ENTREP2: variants seen among roughly 807,000 people sequenced by gnomAD.
The protein encoded by ENTREP2 is endosomal transmembrane epsin interactor 2.
the ENTREP2 span, among the ~76,000 whole-genome samples, chr15:29,133,887 T>A: frequency 6.6e-6 from 1 of 152,116 alleles, no homozygotes; most frequent in East Asian, 1.9e-4. Flanking sequence ...CATCCGAGAC[T>A]CTTTACGGAC....
the ENTREP2 span, among the ~76,000 whole-genome samples, chr15:29,233,214 G>C: frequency 6.6e-6 from 1 of 152,134 alleles, no homozygotes; most frequent in Non-Finnish European, 1.5e-5. Context: ...CTTACCTCCG[G>C]GTTTGTAACT....
chr15:29,238,729 C>T, the ENTREP2 span, among the ~76,000 whole-genome samples: 4 of 152,138 alleles, frequency 2.6e-5, no homozygotes. Context: ...AGGGAGCTTC[C>T]AATCATGGCA....
chr15:29,241,515 C>T, the ENTREP2 span, among the ~76,000 whole-genome samples: 1 of 152,106 alleles, frequency 6.6e-6, no homozygotes, highest in Non-Finnish European at 1.5e-5. Context: ...TTGTTTTGCT[C>T]CAGTTTGTGT....
the ENTREP2 span, chr15:29,136,884 C>T: frequency 5.4e-6 from 4 of 742,858 alleles, no homozygotes; most frequent in South Asian, 4.9e-5. Context: ...AAAGGTGCCA[C>T]GGGGAACGCT....
At chr15:29,587,034 T>C in the ENTREP2 span, among the ~76,000 whole-genome samples, 3 of 151,768 alleles carry the variant, frequency 2.0e-5, no homozygotes, top group Non-Finnish European at 2.9e-5. Context: ...AGGAAAGGAG[T>C]TGGAGACATA....
the ENTREP2 span, among the ~76,000 whole-genome samples, chr15:29,384,436 C>T: frequency 6.6e-6 from 1 of 152,160 alleles, no homozygotes; most frequent in Non-Finnish European, 1.5e-5. Context: ...ACAGCCTTGT[C>T]CACTCGCTCT....
At chr15:29,127,103 G>A in the ENTREP2 span, among the ~76,000 whole-genome samples, 1 of 152,204 alleles carries the variant, frequency 6.6e-6, no homozygotes, top group Non-Finnish European at 1.5e-5. Flanking sequence ...GGGTTGAAGC[G>A]AGCCCTCCAG....
the ENTREP2 span, among the ~76,000 whole-genome samples, chr15:29,142,071 C>T: frequency 6.6e-6 from 1 of 152,168 alleles, no homozygotes; most frequent in Non-Finnish European, 1.5e-5. Flanking sequence ...AAACCGCTGC[C>T]AAGTCAAGTC....
At chr15:29,407,594 C>T in the ENTREP2 span, among the ~76,000 whole-genome samples, 13 of 152,238 alleles carry the variant, frequency 8.5e-5, no homozygotes, top group African/African-American at 2.9e-4. Flanking sequence ...GGCCAGGGCA[C>T]AGCCAGGTAA....
the ENTREP2 span, among the ~76,000 whole-genome samples, chr15:29,221,835 A>ATTGG: frequency 6.6e-6 from 1 of 152,148 alleles, no homozygotes; most frequent in Non-Finnish European, 1.5e-5. Flanking sequence ...CACCACAGAG[A>ATTGG]CCCAAGCAAG....
chr15:29,662,212 A>G, the ENTREP2 span, among the ~76,000 whole-genome samples: 1 of 74,974 alleles, frequency 1.3e-5, no homozygotes, highest in Non-Finnish European at 2.9e-5. Flanking sequence ...ACCCTGTCGC[A>G]AAAAAAAAAA....
At chr15:29,337,924 T>C in the ENTREP2 span, among the ~76,000 whole-genome samples, 1 of 152,192 alleles carries the variant, frequency 6.6e-6, no homozygotes, top group African/African-American at 2.4e-5. Context: ...CATAGTTGTG[T>C]TGACTTTTAT....
chr15:29,330,264 C>T, the ENTREP2 span, among the ~76,000 whole-genome samples: 250 of 150,442 alleles, frequency 1.7e-3, no homozygotes, highest in Middle Eastern at 0.01. Context: ...TGGTGAAACC[C>T]GGCCTCTACT....
At chr15:29,376,054 T>C in the ENTREP2 span, 1 of 152,288 alleles carries the variant, frequency 6.6e-6, no homozygotes, top group East Asian at 1.9e-4. Flanking sequence ...CATATTCCCA[T>C]AGATTAGTGC....
At chr15:29,207,470 G>C in the ENTREP2 span, among the ~76,000 whole-genome samples, 1 of 151,624 alleles carries the variant, frequency 6.6e-6, no homozygotes, top group Non-Finnish European at 1.5e-5. Context: ...GGGGTGGCCA[G>C]CTTTTATTCC....
chr15:29,466,153 C>T, the ENTREP2 span, among the ~76,000 whole-genome samples: 1 of 152,150 alleles, frequency 6.6e-6, no homozygotes, highest in Non-Finnish European at 1.5e-5. Context: ...GGCATGAGTT[C>T]AGCAGGAAGG....
chr15:29,389,263 TTC>T, the ENTREP2 span, among the ~76,000 whole-genome samples: 2 of 152,042 alleles, frequency 1.3e-5, no homozygotes, highest in Non-Finnish European at 2.9e-5. Context: ...GAAAATAAAT[TTC>T]TGTTAGGTCA....
At chr15:29,620,306 G>A in the ENTREP2 span, among the ~76,000 whole-genome samples, 2 of 152,106 alleles carry the variant, frequency 1.3e-5, no homozygotes, top group African/African-American at 4.8e-5. Flanking sequence ...CAGCAGACAG[G>A]GAATTGGGAG....
the ENTREP2 span, chr15:29,195,184 C>T: frequency 1.0e-6 from 1 of 985,402 alleles, no homozygotes; most frequent in Non-Finnish European, 1.2e-6. Flanking sequence ...ATCTGTCACT[C>T]TGGTGAGCTG....
Sources: allele counts gnomAD v4.1 joint callset (sites outside exome capture counted in the v4.1 genomes callset), GRCh38; gene constraint gnomAD v4.1.1; transcripts MANE v1.5; gene names NCBI Gene and HGNC (gene_info 2026-07-23, HGNC 2026-07-21).